Variants in AGBL4 observed in about 807,000 individuals in gnomAD.
AGBL4 encodes cytosolic carboxypeptidase 6.
In AGBL4, 58 loss-of-function variants were observed where a neutral mutation model predicts 66.4. That is an observed-to-expected ratio of 0.87 (90% CI 0.71 to 1.09). The LOEUF (loss-of-function observed/expected upper bound fraction) is 1.09. Ranked by LOEUF, AGBL4 falls within the 50% of genes least tolerant of loss-of-function variation. The probability of loss-of-function intolerance (pLI) is 0.00; values close to 1 mark genes in which losing one functional copy is unlikely to be tolerated. For synonymous variants in AGBL4, 234 were observed against 222.9 expected (o/e 1.05, Z -0.44); for missense variants, 579 against 631.0 (o/e 0.92, Z 0.88).
intron 6 of AGBL4, among the ~76,000 whole-genome samples, chr1:48,724,331 C>T (rs1647196460): frequency 6.6e-6 from 1 of 152,202 alleles, no homozygotes. Context: ...GAGTTGGGAA[C>T]TAAACTCGCA....
intron 3 of AGBL4, among the ~76,000 whole-genome samples, chr1:49,270,958 TA>T (rs1426741923): frequency 6.6e-6 from 1 of 152,020 alleles, no homozygotes; most frequent in Admixed American, 6.6e-5. Context: ...TAAACTAAAA[TA>T]AAGTTAAAGT....
At chr1:49,178,648 C>G (rs1212672047) in intron 4 of AGBL4, among the ~76,000 whole-genome samples, 3 of 152,146 alleles carry the variant, frequency 2.0e-5, no homozygotes, top group African/African-American at 7.2e-5. Flanking sequence ...AGGTCTCATT[C>G]TCAAATTTAA....
chr1:49,217,261 C>G (rs772203270), intron 4 of AGBL4, among the ~76,000 whole-genome samples: 3 of 152,100 alleles, frequency 2.0e-5, no homozygotes, highest in Admixed American at 6.6e-5. Context: ...CTTCCCTCCT[C>G]CTATTTAGCC....
At position 48,874,306 on chromosome 1, in the gene AGBL4, T is replaced by G. The variant is rs1423100163; in HGVS notation, c.595-7076A>C. Among the ~76,000 whole-genome samples, 6 of 143,896 alleles carry G rather than the reference T, an allele frequency of 4.2e-5. No individual in the cohort carries two copies. The East Asian group carries it at 1.5e-3, about 36-fold the overall frequency. The allele number at this position is 143,896 out of a possible 152,430, so 94.4% of individuals were successfully genotyped here. On this transcript the variant is annotated intron_variant, in intron 5 of 13. Coordinates refer to ENST00000371839, the MANE Select transcript of AGBL4 (RefSeq NM_032785.4). ...ACTTTCTAGGCATCTAGGGATCCCA[T>G]GCCCTGCTCCCTGCCCTATCCCCAA...
At chr1:49,845,230 G>T (rs1268796904) in intron 2 of AGBL4, 20 of 1,523,532 alleles carry the variant, frequency 1.3e-5, no homozygotes, top group Non-Finnish European at 1.7e-5. Context: ...AATCCACACT[G>T]GGGAGAAACC....
intron 3 of AGBL4, among the ~76,000 whole-genome samples, chr1:49,406,670 G>A (rs940112498): frequency 6.6e-6 from 1 of 152,048 alleles, no homozygotes; most frequent in African/African-American, 2.4e-5. Flanking sequence ...GAATAAAGAT[G>A]TCAAAATGGT....
At chr1:49,865,966 C>A in intron 1 of AGBL4, 1 of 385,530 alleles carries the variant, frequency 2.6e-6, no homozygotes. Context: ...TTTGCAACCA[C>A]AAGTATCAAC....
At chr1:48,685,561 C>A (rs1397003619) in intron 6 of AGBL4, among the ~76,000 whole-genome samples, 1 of 152,152 alleles carries the variant, frequency 6.6e-6, no homozygotes, top group Non-Finnish European at 1.5e-5. Context: ...GGAAAACTGA[C>A]AGTACTTACT....
chr1:49,336,107 A>C (rs1395433765), intron 3 of AGBL4, among the ~76,000 whole-genome samples: 1 of 152,180 alleles, frequency 6.6e-6, no homozygotes, highest in Non-Finnish European at 1.5e-5. Context: ...GAGACCTAGG[A>C]GACCCAATGG....
chr1:49,565,810 T>G (rs981066897), intron 3 of AGBL4, among the ~76,000 whole-genome samples: 1 of 152,218 alleles, frequency 6.6e-6, no homozygotes, highest in Admixed American at 6.5e-5. Flanking sequence ...AGTATCTTTG[T>G]GGTGTTCTCT....
chr1:48,682,469 C>T (rs1426720927), intron 6 of AGBL4, among the ~76,000 whole-genome samples: 1 of 150,822 alleles, frequency 6.6e-6, no homozygotes. Context: ...AGTGCAGAGG[C>T]ATGATCATGG....
chr1:49,837,724 A>C (rs1167856228), intron 2 of AGBL4, among the ~76,000 whole-genome samples: 2 of 152,224 alleles, frequency 1.3e-5, no homozygotes, highest in African/African-American at 2.4e-5. Context: ...AGGCACCTGT[A>C]GTTCCAGCTA....
intron 4 of AGBL4, among the ~76,000 whole-genome samples, chr1:49,204,285 T>A (rs572890248): frequency 6.6e-6 from 1 of 152,242 alleles, no homozygotes; most frequent in East Asian, 1.9e-4. Flanking sequence ...ATTGTTTATT[T>A]TTTTAGTCAA....
intron 6 of AGBL4, among the ~76,000 whole-genome samples, chr1:48,685,423 G>C (rs1466756673): frequency 6.6e-6 from 1 of 152,092 alleles, no homozygotes; most frequent in Non-Finnish European, 1.5e-5. Flanking sequence ...TCAGCCTTCT[G>C]CCTGTGCCAT....
At chr1:49,587,856 T>A (rs1644680704) in intron 3 of AGBL4, among the ~76,000 whole-genome samples, 7 of 152,050 alleles carry the variant, frequency 4.6e-5, no homozygotes, top group Admixed American at 4.6e-4. Flanking sequence ...TTTATTATTA[T>A]TATTATTATT....
intron 2 of AGBL4, among the ~76,000 whole-genome samples, chr1:49,728,197 C>T (rs748098464): frequency 1.3e-5 from 2 of 152,040 alleles, no homozygotes; most frequent in Non-Finnish European, 2.9e-5. Flanking sequence ...GTATCTGTTA[C>T]CGGAAGAAGG....
intron 3 of AGBL4, among the ~76,000 whole-genome samples, chr1:49,675,426 A>C (rs1166985665): frequency 2.6e-5 from 4 of 151,484 alleles, no homozygotes; most frequent in Non-Finnish European, 5.9e-5. Flanking sequence ...AAAAGTGAGG[A>C]GGGTGGGAGG....
chr1:48,635,961 A>C (rs1200165460), intron 8 of AGBL4, among the ~76,000 whole-genome samples: 1 of 152,232 alleles, frequency 6.6e-6, no homozygotes, highest in African/African-American at 2.4e-5. Context: ...CTAACATTGT[A>C]ATAGTGTTAT....
In AGBL4 at chr1:48,769,570, C is replaced by CACACACA. The variant is rs34256470; in HGVS notation, c.634+97620_634+97621insTGTGTGT. On this transcript the variant is annotated intron_variant, in intron 6 of 13. Coordinates refer to ENST00000371839, the MANE Select transcript of AGBL4 (RefSeq NM_032785.4). ...ACACACACACACACACACACACACA[C>CACACACA]AAGTTAAATTTTAAACTTGTATGCT... Among the ~76,000 whole-genome samples the CACACACA allele has an allele frequency of 2.6e-3, 371 of 142,458 alleles. 3 individuals carry two copies. Among genetic ancestry groups the CACACACA allele is most frequent in the African/African-American group, 7.1e-3 (245 of 34,460 alleles). The allele number at this position is 142,458 out of a possible 152,430, so 93.5% of individuals were successfully genotyped here.
Sources: gnomAD v4.1 joint callset for allele counts (sites outside exome capture counted in the v4.1 genomes callset) on GRCh38, gnomAD v4.1.1 for gene constraint, MANE v1.5 for transcripts, NCBI Gene and HGNC (gene_info 2026-07-23, HGNC 2026-07-21) for gene names.